The following SPOCK1 variants were observed in gnomAD, a reference collection of about 807,000 sequenced individuals.
The protein encoded by SPOCK1 is SPARC (osteonectin), cwcv and kazal like domains proteoglycan 1, also known as testican-1.
A neutral mutation model predicts 55.3 loss-of-function variants in SPOCK1; 23 were observed. That is an observed-to-expected ratio of 0.42 (90% CI 0.30 to 0.59). The LOEUF (loss-of-function observed/expected upper bound fraction) is 0.59. SPOCK1 is among the 20% of genes least tolerant of loss of function. The pLI, the probability that SPOCK1 is intolerant of heterozygous loss-of-function variation, is 0.22. For synonymous variants in SPOCK1, 226 were observed against 221.0 expected (o/e 1.02, Z -0.20); for missense variants, 499 against 552.5 (o/e 0.90, Z 0.97).
chr5:137,262,887 T>C (rs1756775685), intron 3 of SPOCK1, among the ~76,000 whole-genome samples: 2 of 152,252 alleles, frequency 1.3e-5, no homozygotes, highest in South Asian at 2.1e-4. Context: ...ATCAATGACT[T>C]GCTGATCACT....
At chr5:137,211,590 T>C (rs1031021140) in intron 3 of SPOCK1, among the ~76,000 whole-genome samples, 3 of 152,050 alleles carry the variant, frequency 2.0e-5, no homozygotes, top group African/African-American at 7.2e-5. Flanking sequence ...CGCTAATGAG[T>C]TGACTGGCAG....
chr5:137,187,574 T>C (rs910230696), intron 3 of SPOCK1, among the ~76,000 whole-genome samples: 1 of 152,146 alleles, frequency 6.6e-6, no homozygotes, highest in Non-Finnish European at 1.5e-5. Context: ...CCATTTGCCA[T>C]TGTTATCTAC....
At chr5:137,046,576 G>C (rs1171419381) in intron 6 of SPOCK1, among the ~76,000 whole-genome samples, 124 of 117,270 alleles carry the variant, frequency 1.1e-3, no homozygotes, top group African/African-American at 3.7e-3. Context: ...CAATCATGTC[G>C]TCTGCAAACA....
At position 136,978,762 on chromosome 5, in the gene SPOCK1, C is replaced by T; in HGVS notation, c.1212G>A (p.Leu404=). 1.2e-6 allele frequency: 2 copies of T among 1,614,150 alleles called. No individual in the cohort carries two copies. Among genetic ancestry groups the T allele is most frequent in the East Asian group, 4.5e-5 (2 of 44,876 alleles). ...GCTTCCCCTCTTTGTCCTTTGGTCC[C>T]AGCTCCCGTTCATATTCTAGGTCAT... is the stretch of plus-strand genomic sequence containing the variant. ...LLDDLEYERE[L]GPKDKEGKLR... is the part of the protein sequence containing the mutation. The change falls in exon 11 of 11, where the codon CTG becomes CTA. Residue 404 remains leucine (L), a synonymous_variant. Transcript: ENST00000394945.
At chr5:137,405,776 C>T (rs745680552) in intron 2 of SPOCK1, among the ~76,000 whole-genome samples, 3 of 151,938 alleles carry the variant, frequency 2.0e-5, no homozygotes, top group Non-Finnish European at 2.9e-5. Context: ...AGAGGATATT[C>T]CTTGTGGTTA....
In SPOCK1 at chr5:137,007,470, G is replaced by A. The variant is rs1751271254; in HGVS notation, c.590-14870C>T. On this transcript the variant is annotated intron_variant, in intron 6 of 10. Coordinates refer to ENST00000394945, the MANE Select transcript of SPOCK1 (RefSeq NM_004598.4). ...GAGAAAAAAACAACCCCATTAAAAAGTTGGCAAAGGATATGAACAGACAGT... is the reference window on the plus strand; with the variant it reads ...GAGAAAAAAACAACCCCATTAAAAAATTGGCAAAGGATATGAACAGACAGT... 2.0e-5 allele frequency among the ~76,000 whole-genome samples: 3 copies of A among 152,130 alleles called. No homozygotes were observed. The South Asian group carries it at 6.2e-4, about 31-fold the overall frequency.
intron 2 of SPOCK1, among the ~76,000 whole-genome samples, chr5:137,348,397 G>A (rs545336227): frequency 6.8e-6 from 1 of 147,742 alleles, no homozygotes; most frequent in African/African-American, 2.5e-5. Context: ...TGACCAAAAT[G>A]GAACATCTGA....
At chr5:137,491,135 T>C (rs1754167995) in intron 2 of SPOCK1, among the ~76,000 whole-genome samples, 2 of 152,306 alleles carry the variant, frequency 1.3e-5, no homozygotes, top group South Asian at 4.1e-4. Flanking sequence ...GTATCACCAT[T>C]CCAGTTTTAC....
chr5:137,348,039 G>A lies in SPOCK1; in HGVS notation c.187-80984C>T, dbSNP rs538526141. On this transcript the variant is annotated intron_variant, in intron 2 of 10. Transcript: ENST00000394945. Reference sequence around the variant, plus strand: ...CTCTCAGGTGATGCTGCTGCTGCTGGGCTGTGGGCCACACCTGGTGTACAC... The same window carrying A: ...CTCTCAGGTGATGCTGCTGCTGCTGAGCTGTGGGCCACACCTGGTGTACAC... 3.9e-5 allele frequency among the ~76,000 whole-genome samples: 6 copies of A among 152,278 alleles called. No individual in the cohort carries two copies. The East Asian group carries it at 1.2e-3, about 29-fold the overall frequency.
chr5:137,378,933 G>A (rs554674825), intron 2 of SPOCK1, among the ~76,000 whole-genome samples: 1 of 152,272 alleles, frequency 6.6e-6, no homozygotes, highest in South Asian at 2.1e-4. Flanking sequence ...GCCAGACGTA[G>A]GAAATCACTG....
chr5:137,024,313 A>AAGGCGG (rs1336595270), intron 6 of SPOCK1, among the ~76,000 whole-genome samples: 129 of 25,396 alleles, frequency 5.1e-3, no homozygotes, highest in African/African-American at 0.011. Flanking sequence ...CACCAGTTTG[A>AAGGCGG]AGGGGGGGGG....
At chr5:137,414,553 T>C (rs2149823257) in intron 2 of SPOCK1, among the ~76,000 whole-genome samples, 1 of 152,316 alleles carries the variant, frequency 6.6e-6, no homozygotes, top group Non-Finnish European at 1.5e-5. Context: ...TGTTTACATT[T>C]CCCCATATTA....
intron 4 of SPOCK1, among the ~76,000 whole-genome samples, chr5:137,113,049 T>A (rs111629821): frequency 4.7e-4 from 72 of 152,288 alleles, no homozygotes; most frequent in African/African-American, 1.5e-3. Flanking sequence ...AAAGACTTTA[T>A]CACAGCTGTA....
chr5:137,087,927 G>A (rs988412276), intron 5 of SPOCK1, among the ~76,000 whole-genome samples: 4 of 152,322 alleles, frequency 2.6e-5, no homozygotes, highest in African/African-American at 9.6e-5. Flanking sequence ...AAGAGCTGAC[G>A]ACACTACATG....
intron 6 of SPOCK1, among the ~76,000 whole-genome samples, chr5:137,024,324 G>T (rs1283408723): frequency 7.1e-6 from 1 of 141,816 alleles, no homozygotes; most frequent in Non-Finnish European, 1.5e-5. Flanking sequence ...AGGGGGGGGG[G>T]TAGTTACAAC....
At chr5:137,162,148 T>TC (rs58359946) in intron 3 of SPOCK1, among the ~76,000 whole-genome samples, 2 of 150,668 alleles carry the variant, frequency 1.3e-5, no homozygotes, top group African/African-American at 4.9e-5. Context: ...TTTTTTTTTT[T>TC]CCTCTTGAGA....
chr5:137,160,593 AATATATT>A (rs1376096394), intron 3 of SPOCK1, among the ~76,000 whole-genome samples: 8 of 71,054 alleles, frequency 1.1e-4, no homozygotes, highest in African/African-American at 3.9e-4. Flanking sequence ...TATAATATAT[AATATATT>A]ATATATAATA....
intron 2 of SPOCK1, among the ~76,000 whole-genome samples, chr5:137,315,074 G>A (rs1017535368): frequency 6.6e-6 from 1 of 152,086 alleles, no homozygotes; most frequent in Non-Finnish European, 1.5e-5. Flanking sequence ...GCTTACCCCT[G>A]CCAATCCCGA....
intron 6 of SPOCK1, 182 bp from the exon 7 acceptor site, chr5:136,992,782 A>T: frequency 2.0e-6 from 1 of 496,174 alleles, no homozygotes; most frequent in Non-Finnish European, 3.5e-6. Flanking sequence ...ACAAAAAGAG[A>T]GCCTAGACCC....
Sources: allele counts gnomAD v4.1 joint callset (sites outside exome capture counted in the v4.1 genomes callset), GRCh38; gene constraint gnomAD v4.1.1; transcripts MANE v1.5; gene names NCBI Gene and HGNC (gene_info 2026-07-23, HGNC 2026-07-21).